The following LAX1 variants were observed in gnomAD, a reference collection of about 807,000 sequenced individuals.
LAX1 encodes the protein lymphocyte transmembrane adapter 1.
LAX1 carries 17 observed loss-of-function variants against 20.7 expected under a neutral mutation model. That is an observed-to-expected ratio of 0.82 (90% CI 0.56 to 1.23). The LOEUF (loss-of-function observed/expected upper bound fraction) is 1.23. Ranked by LOEUF, LAX1 falls within the 50% of genes most tolerant of loss-of-function variation. LAX1 has a pLI of 0.00. For synonymous variants in LAX1, 165 were observed against 181.0 expected (o/e 0.91, Z 0.71); for missense variants, 470 against 487.0 (o/e 0.97, Z 0.33).
At chr1:203,771,998 T>C in intron 3 of LAX1, 70 bp from the exon 4 acceptor site, 1 of 1,228,488 alleles carries the variant, frequency 8.1e-7, no homozygotes, top group Non-Finnish European at 1.2e-6. Context: ...TCATCCATGA[T>C]GCAGGGATTA....
At chr1:203,772,855 G>T (rs1157886786) in intron 4 of LAX1, among the ~76,000 whole-genome samples, 1 of 150,378 alleles carries the variant, frequency 6.6e-6, no homozygotes, top group Non-Finnish European at 1.5e-5. Flanking sequence ...TTCATATTTT[G>T]TGTAGAGATG....
At chr1:203,769,454 A>AAAGAAAGAAAGAAAGAAAG (rs759242546) in intron 1 of LAX1, among the ~76,000 whole-genome samples, 49 of 106,474 alleles carry the variant, frequency 4.6e-4, no homozygotes, top group South Asian at 6.8e-4. Flanking sequence ...GGAAAGAAAG[A>AAAGAAAGAAAGAAAGAAAG]AAAGAAAAGA....
rs1667483107 is a variant in LAX1 at position 203,774,698 on chromosome 1, C to A, written c.*17C>A. Reference sequence around the variant, plus strand: ...GATGAATGAAGACCCAGGTACCCAGCCATAAAGCCACATTGAGTAGTCTAT... The same window carrying A: ...GATGAATGAAGACCCAGGTACCCAGACATAAAGCCACATTGAGTAGTCTAT... On this transcript the variant is annotated 3_prime_UTR_variant, in exon 5 of 5. Coordinates refer to ENST00000442561, the MANE Select transcript of LAX1 (RefSeq NM_017773.4). 1.2e-6 allele frequency: 2 copies of A among 1,604,504 alleles called. No homozygotes were observed. The highest frequency in any genetic ancestry group is 4.5e-5 in the East Asian group (2 of 44,854).
rs907212247 is a variant in LAX1 at position 203,771,378 on chromosome 1, T to C, written c.211T>C (p.Tyr71His). 6.2e-7 allele frequency: 1 copy of C among 1,611,696 alleles called. No individual in the cohort carries two copies. The highest frequency in any genetic ancestry group is 8.5e-7 in the Non-Finnish European group (1 of 1,177,750). ...WNKRKKRQVP[Y>H]LRVTVMPLLT... ...TCATTGCCTTGCAGGACAAGTTCCTTACCTCCGAGTTACCGTCATGCCCTT... is the reference window on the plus strand; with the variant it reads ...TCATTGCCTTGCAGGACAAGTTCCTCACCTCCGAGTTACCGTCATGCCCTT... The change falls in exon 3 of 5, where the codon TAC (tyrosine) becomes CAC (histidine). Residue 71 changes from tyrosine (Y) to histidine (H), a missense_variant. Physicochemically the swap from Tyr to His is moderately conservative, Grantham distance 83 (BLOSUM62 2). Coordinates refer to ENST00000442561, the MANE Select transcript of LAX1 (RefSeq NM_017773.4).
Position 203,765,349 on chromosome 1 carries a change from T to A in LAX1, c.-217T>A. ...TTGGAAGCACCATGTCCGGATGAGA[T>A]CGCACTTCCTGCAGTGGGCATTAGC... On this transcript the variant is annotated 5_prime_UTR_variant, in exon 1 of 5. Coordinates refer to ENST00000442561, the MANE Select transcript of LAX1 (RefSeq NM_017773.4). The A allele has an allele frequency of 6.4e-7, 1 of 1,551,704 alleles. No homozygotes were observed. The highest frequency in any genetic ancestry group is 8.7e-7 in the Non-Finnish European group (1 of 1,147,000).
In LAX1 at chr1:203,774,858, G is replaced by A. The variant is rs1667485840; in HGVS notation, c.*177G>A. The A allele has an allele frequency of 8.3e-6, 5 of 603,104 alleles. No homozygotes were observed. In the South Asian group the frequency reaches 1.1e-4, roughly 13 times the overall value. 37.4% of individuals were successfully genotyped at this position (603,104 alleles called of 1,614,324 possible). ...AGGCCACACAAAAGCAGAGGTTTGGGAATTCCAGAAGGGAATTCTTCTCAA... is the reference window on the plus strand; with the variant it reads ...AGGCCACACAAAAGCAGAGGTTTGGAAATTCCAGAAGGGAATTCTTCTCAA... On this transcript the variant is annotated 3_prime_UTR_variant, in exon 5 of 5. Coordinates refer to ENST00000442561, the MANE Select transcript of LAX1 (RefSeq NM_017773.4).
At chr1:203,771,046 TC>T (rs1270554489) in intron 2 of LAX1, 109 bp downstream of exon 2, 3 of 904,966 alleles carry the variant, frequency 3.3e-6, no homozygotes, top group Admixed American at 4.0e-5. Flanking sequence ...TGGGGAGTCC[TC>T]AGTTCTTACC....
intron 1 of LAX1, among the ~76,000 whole-genome samples, chr1:203,768,082 G>C (rs1323806162): frequency 6.6e-6 from 1 of 152,102 alleles, no homozygotes; most frequent in Non-Finnish European, 1.5e-5. Context: ...AGGCCAAGGT[G>C]GGCAGATCAC....
At chr1:203,771,330 C>T (rs3820196) in intron 2 of LAX1, 37 bp from the exon 3 acceptor site, 2 of 1,264,680 alleles carry the variant, frequency 1.6e-6, no homozygotes, top group Non-Finnish European at 2.3e-6. Flanking sequence ...TGCAGCTGAC[C>T]CCCGCCATGA....
chr1:203,765,494 C>G lies in LAX1; in HGVS notation c.-72C>G, dbSNP rs1667289884. 1 of 1,597,696 alleles carries G rather than the reference C, an allele frequency of 6.3e-7. No homozygotes were observed. The highest frequency in any genetic ancestry group is 1.1e-5 in the South Asian group (1 of 89,104). ...GGGGTGGGGAGAAGTGGTAGACATG[C>G]TGGCTAACTGATTATGATTAAGAGA... On this transcript the variant is annotated 5_prime_UTR_variant, in exon 1 of 5. Coordinates refer to ENST00000442561, the MANE Select transcript of LAX1 (RefSeq NM_017773.4).
rs538586481 is a variant in LAX1, at chr1:203,772,121, A to G, written c.364A>G (p.Arg122Gly). Residue 122 changes from arginine (R) to glycine (G), a missense_variant, in exon 4 of 5, where the codon AGA becomes GGA. Coordinates refer to ENST00000442561, the MANE Select transcript of LAX1 (RefSeq NM_017773.4). ...RIFSTESLLS[R>G]NSESPEHVPS... Reference sequence around the variant, plus strand: ...TTTCAGTACTGAGAGCCTCCTCTCCAGAAATTCTGAGAGCCCGGAGCATGT... The same window carrying G: ...TTTCAGTACTGAGAGCCTCCTCTCCGGAAATTCTGAGAGCCCGGAGCATGT... The G allele has an allele frequency of 6.2e-6, 10 of 1,613,882 alleles. No homozygotes were observed. In the South Asian group the frequency reaches 9.9e-5, roughly 16 times the overall value.
At position 203,765,454 on chromosome 1, in the gene LAX1, AGG is replaced by A; in HGVS notation, c.-110_-109del. 3 of 1,560,766 alleles carry A rather than the reference AGG, an allele frequency of 1.9e-6. No homozygotes were observed. Among genetic ancestry groups the A allele is most frequent in the Non-Finnish European group, 2.6e-6 (3 of 1,150,860 alleles). Reference sequence around the variant, plus strand: ...GACGTTTCAGAGGTAGACACGAGATAGGGAGTTTGTTGCGGGGGTGGGGAGAA... The same window carrying A: ...GACGTTTCAGAGGTAGACACGAGATAGAGTTTGTTGCGGGGGTGGGGAGAA... On this transcript the variant is annotated 5_prime_UTR_variant, in exon 1 of 5. Coordinates refer to ENST00000442561, the MANE Select transcript of LAX1 (RefSeq NM_017773.4).
Position 203,772,162 on chromosome 1 carries a change from T to C in LAX1, c.390+15T>C. 6.3e-7 allele frequency: 1 copy of C among 1,590,364 alleles called. No homozygotes were observed. On this transcript the variant is annotated intron_variant, in intron 4 of 4. Transcript: ENST00000442561. ...CGGAGCATGTGGTAAGAGTCAAGCT[T>C]CTTGGGAGAATGACATGTCTCTGGC...
At chr1:203,771,333 C>A (rs551629934) in intron 2 of LAX1, 34 bp from the exon 3 acceptor site, 5 of 1,313,482 alleles carry the variant, frequency 3.8e-6, no homozygotes, top group Non-Finnish European at 5.5e-6. Flanking sequence ...AGCTGACCCC[C>A]GCCATGACTC....
chr1:203,773,536 A>G (rs1667454410), intron 4 of LAX1, among the ~76,000 whole-genome samples: 1 of 151,830 alleles, frequency 6.6e-6, no homozygotes, highest in Non-Finnish European at 1.5e-5. Flanking sequence ...AGACACCGAG[A>G]GATTAGGTCA....
chr1:203,767,302 T>TC (rs1395126987), intron 1 of LAX1, among the ~76,000 whole-genome samples: 4 of 140,228 alleles, frequency 2.9e-5, no homozygotes, highest in Non-Finnish European at 6.0e-5. Flanking sequence ...ACTCTCCACT[T>TC]CTTTTTTTTT....
chr1:203,772,058 G>A lies in LAX1; in HGVS notation c.311-10G>A, dbSNP rs1234432724. ...TGGCTATCTTCAGGATTTGTTCTCT[G>A]TCCTTTCAGGGAGACATGAGTCGAG... On this transcript the variant is annotated splice_polypyrimidine_tract_variant and intron_variant, in intron 3 of 4. Coordinates refer to ENST00000442561, the MANE Select transcript of LAX1 (RefSeq NM_017773.4). The A allele has an allele frequency of 1.2e-6, 2 of 1,610,964 alleles. No individual in the cohort carries two copies. Among genetic ancestry groups the A allele is most frequent in the Non-Finnish European group, 1.7e-6 (2 of 1,177,090 alleles).
Position 203,770,921 on chromosome 1 carries a change from G to A in LAX1, c.183G>A (p.Trp61Ter), listed in dbSNP as rs755205678. The change falls in exon 2 of 5, where the codon TGG becomes TGA. Residue 61 changes from tryptophan to a stop codon, truncating the protein, a stop_gained. Coordinates refer to ENST00000442561, the MANE Select transcript of LAX1 (RefSeq NM_017773.4). LOFTEE classifies it high-confidence loss of function. ...CGGTTTTCTGCATCTTGTGGAATTG[G>A]AATAAACGGAAGAAGCGTGAGTCCC... ...VVAVFCILWNWNKRKKRQVPY... is the reference protein window; with the variant it reads ...VVAVFCILWN 3 of 1,613,512 alleles carry A rather than the reference G, an allele frequency of 1.9e-6. No individual in the cohort carries two copies. Among genetic ancestry groups the A allele is most frequent in the Non-Finnish European group, 2.5e-6 (3 of 1,179,390 alleles).
intron 1 of LAX1, among the ~76,000 whole-genome samples, chr1:203,767,267 A>G (rs1304511387): frequency 7.1e-6 from 1 of 141,198 alleles, no homozygotes; most frequent in East Asian, 2.3e-4. Flanking sequence ...CATCTCTGCA[A>G]CCCCTCCCTG....
Sources: allele counts gnomAD v4.1 joint callset (sites outside exome capture counted in the v4.1 genomes callset), GRCh38; gene constraint gnomAD v4.1.1; transcripts MANE v1.5; gene names NCBI Gene and HGNC (gene_info 2026-07-23, HGNC 2026-07-21).